TBC1D19: variants seen among roughly 807,000 people sequenced by gnomAD.
TBC1D19 encodes TBC1 domain family, member 19.
A neutral mutation model predicts 89.0 loss-of-function variants in TBC1D19; 60 were observed. That is an observed-to-expected ratio of 0.67 (90% CI 0.55 to 0.84). TBC1D19 has a LOEUF of 0.84. Ranked by LOEUF, TBC1D19 falls within the 40% of genes least tolerant of loss-of-function variation. The pLI, the probability that TBC1D19 is intolerant of heterozygous loss-of-function variation, is 0.00. For synonymous variants in TBC1D19, 189 were observed against 199.7 expected (o/e 0.95, Z 0.45); for missense variants, 500 against 610.8 (o/e 0.82, Z 1.91).
At chr4:26,791,852 G>A in the TBC1D19 span, among the ~76,000 whole-genome samples, 1 of 152,196 alleles carries the variant, frequency 6.6e-6, no homozygotes, top group African/African-American at 2.4e-5. Flanking sequence ...ATCCAAGTGG[G>A]GATGTCAGGT....
the TBC1D19 span, among the ~76,000 whole-genome samples, chr4:26,835,885 A>T: frequency 2.0e-5 from 3 of 150,896 alleles, no homozygotes; most frequent in African/African-American, 7.3e-5. Context: ...CCTAGCCATT[A>T]TCTCTCCCCA....
At chr4:26,848,287 C>T in the TBC1D19 span, among the ~76,000 whole-genome samples, 16 of 152,168 alleles carry the variant, frequency 1.1e-4, no homozygotes, top group Admixed American at 1.0e-3. Flanking sequence ...TTCTTCTGCC[C>T]TCAGACTAAG....
chr4:26,748,069 G>A (rs1200817857), intron 18 of TBC1D19, among the ~76,000 whole-genome samples: 2 of 152,106 alleles, frequency 1.3e-5, no homozygotes, highest in East Asian at 1.9e-4. Context: ...ATTATAGATT[G>A]CCTGGAATTG....
At chr4:26,584,918 T>G (rs1739324550) in intron 1 of TBC1D19, 1 of 190,292 alleles carries the variant, frequency 5.3e-6, no homozygotes, top group Non-Finnish European at 1.1e-5. Flanking sequence ...TGTGCCTGCT[T>G]TCTGGCATTA....
intron 1 of TBC1D19, among the ~76,000 whole-genome samples, chr4:26,609,886 A>G (rs1441496962): frequency 6.6e-6 from 1 of 152,190 alleles, no homozygotes; most frequent in Non-Finnish European, 1.5e-5. Context: ...TAGTAAAAAA[A>G]AGGCAGAAAT....
At chr4:26,617,684 T>C (rs1415513127) in intron 3 of TBC1D19, among the ~76,000 whole-genome samples, 1 of 152,220 alleles carries the variant, frequency 6.6e-6, no homozygotes, top group Non-Finnish European at 1.5e-5. Flanking sequence ...AGACAATCTT[T>C]ACATGCAAAA....
chr4:26,766,461 G>A, the TBC1D19 span, among the ~76,000 whole-genome samples: 7 of 152,218 alleles, frequency 4.6e-5, no homozygotes, highest in East Asian at 5.8e-4. Context: ...ATATAAATAC[G>A]CAACCACTGT....
chr4:26,762,202 A>G, the TBC1D19 span, among the ~76,000 whole-genome samples: 4 of 152,178 alleles, frequency 2.6e-5, no homozygotes, highest in Non-Finnish European at 4.4e-5. Flanking sequence ...AGGGAGCAAT[A>G]CTGACATACA....
chr4:26,588,426 G>A (rs1387001175), intron 1 of TBC1D19, among the ~76,000 whole-genome samples: 10 of 151,884 alleles, frequency 6.6e-5, no homozygotes, highest in Admixed American at 2.0e-4. Flanking sequence ...GTTTTCAATC[G>A]CTCTGATTTT....
intron 11 of TBC1D19, among the ~76,000 whole-genome samples, chr4:26,682,951 T>C (rs10013787): frequency 1.6e-3 from 249 of 152,210 alleles, no homozygotes; most frequent in African/African-American, 5.7e-3. Context: ...TATTTATTTA[T>C]TTATTTATTT....
the TBC1D19 span, among the ~76,000 whole-genome samples, chr4:26,762,295 G>T: frequency 8.5e-5 from 13 of 152,114 alleles, no homozygotes; most frequent in African/African-American, 3.1e-4. Flanking sequence ...GCTGGCTTCA[G>T]GTATTATCAA....
chr4:26,774,835 T>C, the TBC1D19 span, among the ~76,000 whole-genome samples: 8,271 of 152,218 alleles, frequency 0.054, 658 homozygotes, highest in African/African-American at 0.17. Context: ...AAACATTGAG[T>C]AGACATTGTA....
chr4:26,604,148 CTTTT>C (rs1173641270), intron 1 of TBC1D19, among the ~76,000 whole-genome samples: 1 of 120,718 alleles, frequency 8.3e-6, no homozygotes, highest in Non-Finnish European at 1.7e-5. Flanking sequence ...TTTTCTTTTT[CTTTT>C]TTTTTTTTTT....
chr4:26,666,838 A>G (rs916979714), intron 9 of TBC1D19, among the ~76,000 whole-genome samples: 1 of 151,952 alleles, frequency 6.6e-6, no homozygotes, highest in African/African-American at 2.4e-5. Context: ...CTTTTTGTGC[A>G]TAAATTCAAT....
chr4:26,643,227 C>A (rs1743670239), intron 7 of TBC1D19, among the ~76,000 whole-genome samples: 1 of 152,204 alleles, frequency 6.6e-6, no homozygotes, highest in Non-Finnish European at 1.5e-5. Context: ...AACAAACTGT[C>A]TCTCAGACCA....
chr4:26,733,915 C>T (rs376446853), intron 15 of TBC1D19, among the ~76,000 whole-genome samples: 2 of 152,210 alleles, frequency 1.3e-5, no homozygotes, highest in East Asian at 1.9e-4. Context: ...CTGCAGTGAA[C>T]TGTAACTGGT....
At chr4:26,694,292 C>A (rs879772419) in intron 13 of TBC1D19, among the ~76,000 whole-genome samples, 25 of 152,320 alleles carry the variant, frequency 1.6e-4, no homozygotes, top group Admixed American at 1.6e-3. Flanking sequence ...CAGAGCCTCA[C>A]TCATTGCTAG....
intron 12 of TBC1D19, among the ~76,000 whole-genome samples, chr4:26,688,016 G>A (rs1005521583): frequency 3.3e-5 from 5 of 152,124 alleles, no homozygotes; most frequent in African/African-American, 9.7e-5. Context: ...GGGCCAGATC[G>A]TTATGGTTGC....
chr4:26,658,409 T>G (rs917865457), intron 7 of TBC1D19, among the ~76,000 whole-genome samples: 2 of 152,190 alleles, frequency 1.3e-5, no homozygotes, highest in African/African-American at 2.4e-5. Flanking sequence ...ATGTGTGGTG[T>G]TGTTTTGGTG....
Sources: allele counts gnomAD v4.1 joint callset (sites outside exome capture counted in the v4.1 genomes callset), GRCh38; gene constraint gnomAD v4.1.1; transcripts MANE v1.5; gene names NCBI Gene and HGNC (gene_info 2026-07-23, HGNC 2026-07-21).